SI: variants seen among roughly 807,000 people sequenced by gnomAD.
SI encodes the protein sucrase-isomaltase.
In SI, 235 loss-of-function variants were observed where a neutral mutation model predicts 253.3. The ratio of observed to expected loss-of-function variants is 0.93; its 90% CI spans 0.83 to 1.03. The LOEUF (loss-of-function observed/expected upper bound fraction) is 1.03, where lower values mean the gene tolerates loss of function less well. SI is among the 50% of genes least tolerant of loss of function. The pLI, the probability that SI is intolerant of heterozygous loss-of-function variation, is 0.00. For missense variants in SI, 2,442 were observed against 2,211.1 expected (o/e 1.10, Z -2.09); for synonymous variants, 819 against 712.0 (o/e 1.15, Z -2.39).
intron 45 of SI, among the ~76,000 whole-genome samples, chr3:164,983,842 C>T (rs1290533988): frequency 6.6e-6 from 1 of 151,968 alleles, no homozygotes; most frequent in Non-Finnish European, 1.5e-5. Context: ...ATCCTTCTGC[C>T]TTAGCCTCCC....
chr3:165,000,827 G>C (rs995320396), intron 37 of SI, among the ~76,000 whole-genome samples: 1 of 151,340 alleles, frequency 6.6e-6, no homozygotes, highest in African/African-American at 2.4e-5. Flanking sequence ...AGCCAGAAGA[G>C]TTTGTTCTTT....
chr3:165,062,043 G>A (rs1714007692), intron 9 of SI, among the ~76,000 whole-genome samples: 1 of 151,944 alleles, frequency 6.6e-6, no homozygotes, highest in South Asian at 2.1e-4. Flanking sequence ...TGTTAAATAA[G>A]ATAGTTCCTT....
chr3:165,031,037 T>C (rs1576897085), intron 24 of SI, among the ~76,000 whole-genome samples, 170 bp from the exon 25 acceptor site: 2 of 150,204 alleles, frequency 1.3e-5, no homozygotes, highest in East Asian at 2.0e-4. Context: ...TTTGATAAAA[T>C]ACTAGAAAAA....
At chr3:165,078,200 A>G (rs925007127) in intron 1 of SI, among the ~76,000 whole-genome samples, 2 of 151,506 alleles carry the variant, frequency 1.3e-5, no homozygotes, top group Admixed American at 6.6e-5. Flanking sequence ...AAGTCTTACA[A>G]AAGTTATAAT....
In SI at chr3:165,046,830, AACTGTC is replaced by A. The variant is rs1284929769; in HGVS notation, c.1887+5_1887+10del. ...AGCTTTTATGAGTAACACTCTATGA[AACTGTC>A]TTACCAAAGGTATTCCAAACAAACT... On this transcript the variant is annotated splice_donor_5th_base_variant and intron_variant, in intron 16 of 47. Transcript: ENST00000264382. The A allele has an allele frequency of 1.2e-6, 2 of 1,603,880 alleles. No homozygotes were observed. Among genetic ancestry groups the A allele is most frequent in the East Asian group, 2.2e-5 (1 of 44,702 alleles).
chr3:164,994,123 TA>T, intron 41 of SI, 133 bp downstream of exon 41: 3 of 731,754 alleles, frequency 4.1e-6, no homozygotes, highest in South Asian at 1.7e-5. Flanking sequence ...GCTTTATTAA[TA>T]AAAAATGTGT....
At chr3:165,069,266 A>G (rs1714419284) in intron 3 of SI, 71 bp from the exon 4 acceptor site, 1 of 1,022,416 alleles carries the variant, frequency 9.8e-7, no homozygotes, top group Non-Finnish European at 1.5e-6. Context: ...TGTTTTTCCA[A>G]GGAATGAATA....
chr3:165,009,730 C>T lies in SI; in HGVS notation c.4063-335G>A, dbSNP rs1441883384. Among the ~76,000 whole-genome samples, 4 of 152,228 alleles carry T rather than the reference C, an allele frequency of 2.6e-5. No individual in the cohort carries two copies. In the East Asian group the frequency reaches 5.8e-4, roughly 22 times the overall value. ...TGCAGAGCCCATACTTCAGGTTTAC[C>T]TTTGTGGAGCACAATGAAACAGCAA... On this transcript the variant is annotated intron_variant, in intron 34 of 47. Coordinates refer to ENST00000264382, the MANE Select transcript of SI (RefSeq NM_001041.4).
At chr3:164,989,092 A>AAATT (rs1717580043) in intron 44 of SI, among the ~76,000 whole-genome samples, 2 of 148,452 alleles carry the variant, frequency 1.3e-5, no homozygotes, top group African/African-American at 5.2e-5. Flanking sequence ...TAATAATAAT[A>AAATT]AATAAATAAA....
At chr3:165,012,044 C>G (rs1204766777) in intron 34 of SI, among the ~76,000 whole-genome samples, 1 of 151,988 alleles carries the variant, frequency 6.6e-6, no homozygotes, top group African/African-American at 2.4e-5. Flanking sequence ...CACTCCTGTT[C>G]CCTTCTGTTT....
intron 2 of SI, 67 bp downstream of exon 2, chr3:165,075,828 A>G: frequency 1.1e-6 from 1 of 947,754 alleles, no homozygotes; most frequent in Non-Finnish European, 1.7e-6. Context: ...TAAAACCTAT[A>G]ACTATTGTGG....
intron 5 of SI, 120 bp from the exon 6 acceptor site, chr3:165,067,611 G>A: frequency 3.4e-6 from 3 of 870,154 alleles, no homozygotes; most frequent in Admixed American, 1.9e-5. Flanking sequence ...TTTCATAGAA[G>A]AGTATTAATT....
chr3:165,059,574 C>G (rs1233803849), intron 10 of SI, among the ~76,000 whole-genome samples: 1 of 151,682 alleles, frequency 6.6e-6, no homozygotes, highest in African/African-American at 2.4e-5. Flanking sequence ...ATACAAAAAT[C>G]AAAAATACAC....
chr3:165,001,151 A>T (rs1718239519), intron 37 of SI, among the ~76,000 whole-genome samples: 1 of 151,352 alleles, frequency 6.6e-6, no homozygotes, highest in Non-Finnish European at 1.5e-5. Flanking sequence ...ATTATCTTCA[A>T]TTACTGATGA....
At chr3:165,048,580 T>A (rs143603774) in intron 15 of SI, among the ~76,000 whole-genome samples, 1 of 109,848 alleles carries the variant, frequency 9.1e-6, no homozygotes, top group Non-Finnish European at 2.0e-5. Flanking sequence ...TATATATATA[T>A]ATATAGAGAG....
Position 165,029,038 on chromosome 3 carries a change from G to A in SI, c.2892+1674C>T, listed in dbSNP as rs762876986. On this transcript the variant is annotated intron_variant, in intron 25 of 47. Transcript: ENST00000264382. ...ACCATCTATACATCTGACAAAGAAC[G>A]AATATCCAGAATCTACAACAAACTC... Among the ~76,000 whole-genome samples, 30 of 151,002 alleles carry A rather than the reference G, an allele frequency of 2.0e-4. No homozygotes were observed. In the Middle Eastern group the frequency reaches 0.01, roughly 52 times the overall value.
chr3:165,063,073 A>T (rs1177338051), intron 8 of SI, among the ~76,000 whole-genome samples: 9 of 152,082 alleles, frequency 5.9e-5, no homozygotes, highest in Admixed American at 4.6e-4. Context: ...ACTAAAAAAA[A>T]TACTCTTTTT....
At chr3:165,047,595 A>G (rs1713191698) in intron 15 of SI, among the ~76,000 whole-genome samples, 1 of 152,090 alleles carries the variant, frequency 6.6e-6, no homozygotes, top group Non-Finnish European at 1.5e-5. Flanking sequence ...TTTAGAAATC[A>G]CTAAATTTTG....
chr3:165,050,866 C>T (rs1299505896), intron 13 of SI, among the ~76,000 whole-genome samples: 1 of 152,002 alleles, frequency 6.6e-6, no homozygotes, highest in Non-Finnish European at 1.5e-5. Flanking sequence ...AATCCTTCCC[C>T]TCTTATTTCA....
Sources: gnomAD v4.1 joint callset for allele counts (sites outside exome capture counted in the v4.1 genomes callset) on GRCh38, gnomAD v4.1.1 for gene constraint, MANE v1.5 for transcripts, NCBI Gene and HGNC (gene_info 2026-07-23, HGNC 2026-07-21) for gene names.